Variants in SLC4A10 observed in about 807,000 individuals in gnomAD.
SLC4A10 encodes solute carrier family 4 member 10.
SLC4A10 carries 42 observed loss-of-function variants against 137.7 expected under a neutral mutation model. That is an observed-to-expected ratio of 0.30 (90% CI 0.24 to 0.39). SLC4A10 has a LOEUF of 0.39. Among genes scored for constraint, SLC4A10 ranks in the 10% least tolerant of loss-of-function variants. The pLI, the probability that SLC4A10 is intolerant of heterozygous loss-of-function variation, is 1.00. For synonymous variants in SLC4A10, 474 were observed against 464.1 expected (o/e 1.02, Z -0.27); for missense variants, 925 against 1,355.0 (o/e 0.68, Z 4.98).
intron 26 of SLC4A10, among the ~76,000 whole-genome samples, chr2:161,978,248 G>A (rs757418724): frequency 2.0e-5 from 3 of 151,812 alleles, no homozygotes; most frequent in Non-Finnish European, 2.9e-5. Flanking sequence ...TTAGCCAGGC[G>A]TGGTGGCGGA....
At chr2:161,665,073 G>T (rs1164971118) in intron 1 of SLC4A10, among the ~76,000 whole-genome samples, 4 of 151,872 alleles carry the variant, frequency 2.6e-5, no homozygotes, top group Admixed American at 2.6e-4. Flanking sequence ...AAGCAGAATT[G>T]CAGGAGTGTA....
At chr2:161,872,442 C>A (rs2061187683) in intron 7 of SLC4A10, 58 bp downstream of exon 7, 2 of 1,352,532 alleles carry the variant, frequency 1.5e-6, no homozygotes, top group Admixed American at 1.7e-5. Flanking sequence ...GAAATTACTA[C>A]CCATTTTAAG....
At chr2:161,671,459 G>A (rs182991320) in intron 1 of SLC4A10, among the ~76,000 whole-genome samples, 2 of 152,222 alleles carry the variant, frequency 1.3e-5, no homozygotes, top group Admixed American at 1.3e-4. Context: ...TTGACGCCAG[G>A]AGCAATTCTT....
chr2:161,859,296 CTTT>C (rs1553597581), intron 5 of SLC4A10, among the ~76,000 whole-genome samples: 1 of 142,630 alleles, frequency 7.0e-6, no homozygotes. Flanking sequence ...CTTTTCTTTT[CTTT>C]TTTTTTTTTT....
chr2:161,728,355 A>G (rs1326976612), intron 1 of SLC4A10, among the ~76,000 whole-genome samples: 1 of 152,164 alleles, frequency 6.6e-6, no homozygotes, highest in African/African-American at 2.4e-5. Context: ...TGGGCAAATT[A>G]TCTGAGGTCA....
At chr2:161,676,074 T>C (rs1456160273) in intron 1 of SLC4A10, among the ~76,000 whole-genome samples, 1 of 152,200 alleles carries the variant, frequency 6.6e-6, no homozygotes. Flanking sequence ...ATTTAAAGTG[T>C]TCCAGGAATC....
chr2:161,765,330 G>C (rs1350811296), intron 1 of SLC4A10, among the ~76,000 whole-genome samples: 11 of 152,102 alleles, frequency 7.2e-5, no homozygotes, highest in Non-Finnish European at 1.6e-4. Flanking sequence ...AATGGGGCTG[G>C]GCGTGGTGGC....
intron 10 of SLC4A10, among the ~76,000 whole-genome samples, chr2:161,891,935 A>C (rs554446023): frequency 1.4e-4 from 22 of 152,002 alleles, no homozygotes; most frequent in African/African-American, 5.3e-4. Context: ...TTTTAATTGA[A>C]CCAATAGTCT....
At chr2:161,827,603 A>G (rs1278255339) in intron 3 of SLC4A10, among the ~76,000 whole-genome samples, 1 of 151,528 alleles carries the variant, frequency 6.6e-6, no homozygotes, top group Admixed American at 6.6e-5. Context: ...TCGCTCTGTC[A>G]ACCAGGCTGG....
chr2:161,912,961 G>T (rs1438346678), intron 15 of SLC4A10, among the ~76,000 whole-genome samples: 1 of 152,000 alleles, frequency 6.6e-6, no homozygotes, highest in Non-Finnish European at 1.5e-5. Context: ...AACGATACCA[G>T]AATCCTGCTT....
chr2:161,901,975 C>A, intron 12 of SLC4A10: 1 of 454,908 alleles, frequency 2.2e-6, no homozygotes, highest in South Asian at 1.6e-5. Flanking sequence ...TGCCACATAG[C>A]TTAGATTTTT....
Position 161,779,104 on chromosome 2 carries a change from G to A in SLC4A10, c.130+8050G>A, listed in dbSNP as rs149430428. On this transcript the variant is annotated intron_variant, in intron 2 of 26. Coordinates refer to ENST00000446997, the MANE Select transcript of SLC4A10 (RefSeq NM_001178015.2). ...TGTGCATCATCTTAACAGGGTGGAA[G>A]GTCAAAGTGGAAGTGGCCATGTGTG... Among the ~76,000 whole-genome samples, 206 of 152,068 alleles carry A rather than the reference G, an allele frequency of 1.4e-3. 1 individual carries two copies. Among genetic ancestry groups the A allele is most frequent in the African/African-American group, 4.5e-3 (186 of 41,522 alleles).
intron 2 of SLC4A10, among the ~76,000 whole-genome samples, chr2:161,790,418 C>T (rs940430187): frequency 6.6e-6 from 1 of 151,982 alleles, no homozygotes; most frequent in African/African-American, 2.4e-5. Context: ...CCATTTATTT[C>T]TGGTATTATT....
intron 4 of SLC4A10, among the ~76,000 whole-genome samples, chr2:161,847,934 C>A (rs985224623): frequency 6.6e-6 from 1 of 152,130 alleles, no homozygotes; most frequent in African/African-American, 2.4e-5. Flanking sequence ...GTTTTAAGTT[C>A]TTTGAGAAAT....
intron 26 of SLC4A10, among the ~76,000 whole-genome samples, chr2:161,979,471 A>G (rs1699891644): frequency 6.6e-6 from 1 of 152,190 alleles, no homozygotes; most frequent in African/African-American, 2.4e-5. Context: ...GTGGAATGAA[A>G]GTTTATCCAG....
intron 15 of SLC4A10, among the ~76,000 whole-genome samples, chr2:161,918,985 C>T (rs1260308100): frequency 3.3e-5 from 5 of 152,188 alleles, no homozygotes; most frequent in South Asian, 4.1e-4. Context: ...GCCTGGAAAG[C>T]CCCCTCCCCC....
At chr2:161,884,108 T>C (rs1396284060) in intron 10 of SLC4A10, among the ~76,000 whole-genome samples, 1 of 152,136 alleles carries the variant, frequency 6.6e-6, no homozygotes, top group African/African-American at 2.4e-5. Flanking sequence ...TTAGCAGAAC[T>C]CTCTCTGAGA....
rs929159822 is a variant in SLC4A10, at chr2:161,839,848, A to G, written c.337A>G (p.Ile113Val). 6.2e-7 allele frequency: 1 copy of G among 1,613,776 alleles called. No homozygotes were observed. The highest frequency in any genetic ancestry group is 8.5e-7 in the Non-Finnish European group (1 of 1,179,804). ...LGTEDDDEEHIPHDLFTELDE... is the reference protein window; with the variant it reads ...LGTEDDDEEHVPHDLFTELDE... ...AACCGAGGATGATGACGAGGAACACATTCCTCATGACCTTTTCACAGAACT... is the reference window on the plus strand; with the variant it reads ...AACCGAGGATGATGACGAGGAACACGTTCCTCATGACCTTTTCACAGAACT... The change falls in exon 4 of 27, where the codon ATT (isoleucine) becomes GTT (valine). Residue 113 changes from isoleucine (I) to valine (V), a missense_variant. Transcript: ENST00000446997.
chr2:161,925,936 A>G (rs371574920), intron 15 of SLC4A10, among the ~76,000 whole-genome samples: 1 of 151,660 alleles, frequency 6.6e-6, no homozygotes, highest in Non-Finnish European at 1.5e-5. Context: ...ATAATTTCTG[A>G]TCTTTTACAT....
Sources: allele counts gnomAD v4.1 joint callset (sites outside exome capture counted in the v4.1 genomes callset), GRCh38; gene constraint gnomAD v4.1.1; transcripts MANE v1.5; gene names NCBI Gene and HGNC (gene_info 2026-07-23, HGNC 2026-07-21).